PAPLN: variants seen among roughly 807,000 people sequenced by gnomAD.
PAPLN encodes the protein papilin, proteoglycan like sulfated glycoprotein, also known as papilin.
In PAPLN, 146 loss-of-function variants were observed where a neutral mutation model predicts 159.0. That is an observed-to-expected ratio of 0.92 (90% confidence interval 0.80 to 1.05). The LOEUF is 1.05. Ranked by LOEUF, PAPLN falls within the 50% of genes least tolerant of loss-of-function variation. PAPLN has a pLI of 0.00. For missense variants in PAPLN, 1,720 were observed against 1,743.9 expected (o/e 0.99, Z 0.24); for synonymous variants, 734 against 702.9 (o/e 1.04, Z -0.70).
In PAPLN at chr14:73,266,809, AGT is replaced by A. The variant is rs1304941169; in HGVS notation, c.3482_3483del (p.Val1161GlufsTer14). The A allele has an allele frequency of 6.2e-7, 1 of 1,613,266 alleles. No individual in the cohort carries two copies. Among genetic ancestry groups the A allele is most frequent in the Non-Finnish European group, 8.5e-7 (1 of 1,179,570 alleles). ...ARLLCVVAGE[S>X]VNIRWSRNGL... is the part of the protein sequence containing the mutation. ...GCTATTGTGTGTGGTAGCAGGAGAA[AGT>A]GTGAACATCAGGTGGTCCAGGTAAA... On this transcript the variant is annotated frameshift_variant, in exon 25 of 27. Transcript: ENST00000644200. LOFTEE classifies it high-confidence loss of function.
chr14:73,247,794 TCC>T (rs1491391497), intron 5 of PAPLN, among the ~76,000 whole-genome samples: 16 of 67,980 alleles, frequency 2.4e-4, no homozygotes, highest in African/African-American at 4.7e-4. Context: ...GAGTCTCTTA[TCC>T]CGTGTGTGTG....
rs1438632141 is a variant in PAPLN at position 73,246,081 on chromosome 14, C to T, written c.240C>T (p.Pro80=). 7.1e-6 allele frequency: 11 copies of T among 1,556,452 alleles called. No homozygotes were observed. The highest frequency in any genetic ancestry group is 9.5e-6 in the Non-Finnish European group (11 of 1,155,474). ...SHRSCRTESC[P]DGARDFRAEQ... ...TCCCCTCCGCCCCGCAGAGCTGCCC[C>T]GACGGCGCCCGGGACTTCCGGGCCG... Residue 80 remains proline (P), a synonymous_variant, in exon 5 of 27, where the codon CCC becomes CCT. Coordinates refer to ENST00000644200, the MANE Select transcript of PAPLN (RefSeq NM_001365906.3).
chr14:73,252,044 T>C lies in PAPLN; in HGVS notation c.870T>C (p.Gly290=), dbSNP rs1423506732. 4.3e-6 allele frequency: 7 copies of C among 1,612,066 alleles called. No homozygotes were observed. The African/African-American group carries it at 6.7e-5, about 15-fold the overall frequency. Reference sequence around the variant, plus strand: ...TCATCAGCCAGGAGCCCAACCCCGGTGTGCACTATGAGTACCACCTGCCCC... The same window carrying C: ...TCATCAGCCAGGAGCCCAACCCCGGCGTGCACTATGAGTACCACCTGCCCC... The part of the protein sequence containing the change: ...IELISQEPNP[G]VHYEYHLPLR... The change falls in exon 10 of 27, where the codon GGT becomes GGC. Residue 290 remains glycine (G), a synonymous_variant. Coordinates refer to ENST00000644200, the MANE Select transcript of PAPLN (RefSeq NM_001365906.3).
chr14:73,271,131 G>A lies in PAPLN; in HGVS notation c.3668-1364G>A, dbSNP rs116929484. On this transcript the variant is annotated intron_variant, in intron 26 of 26. Transcript: ENST00000644200. The stretch of plus-strand genomic sequence containing the variant: ...AAGTGGCAGAGCCCGGATTGAGCCC[G>A]GGCAGTATGGGTCCAGAGCTGGTGT... Among the ~76,000 whole-genome samples, 42 of 152,272 alleles carry A rather than the reference G, an allele frequency of 2.8e-4. No individual in the cohort carries two copies. In the East Asian group the frequency reaches 2.9e-3, roughly 10 times the overall value.
Position 73,260,164 on chromosome 14 carries a change from G to T in PAPLN, c.1986-545G>T, listed in dbSNP as rs1056381143. On this transcript the variant is annotated intron_variant, in intron 16 of 26. Transcript: ENST00000644200. ...CGTGACTTAACCTCTCTGATTTTGG[G>T]TTCCTCTTCTGAGAAATGGGAATGA... 2.4e-4 allele frequency among the ~76,000 whole-genome samples: 36 copies of T among 152,184 alleles called. 1 individual carries two copies. Among genetic ancestry groups the T allele is most frequent in the Non-Finnish European group, 4.8e-4 (33 of 68,046 alleles).
intron 10 of PAPLN, among the ~76,000 whole-genome samples, 175 bp from the exon 11 acceptor site, chr14:73,252,474 G>C (rs1257279167): frequency 6.6e-6 from 1 of 152,186 alleles, no homozygotes; most frequent in Non-Finnish European, 1.5e-5. Flanking sequence ...AAAACCCTCA[G>C]AGCCTCAGTT....
intron 2 of PAPLN, among the ~76,000 whole-genome samples, chr14:73,241,702 G>A (rs1883557496): frequency 6.6e-6 from 1 of 152,202 alleles, no homozygotes; most frequent in Admixed American, 6.5e-5. Flanking sequence ...CTGTTGCTGG[G>A]GCAGGAACCA....
At chr14:73,255,727 G>A (rs1405579145) in intron 14 of PAPLN, among the ~76,000 whole-genome samples, 4 of 152,190 alleles carry the variant, frequency 2.6e-5, no homozygotes, top group African/African-American at 7.2e-5. Context: ...TGACTCACTC[G>A]TGATGGGGAC....
chr14:73,254,232 G>A (rs1288536143), intron 12 of PAPLN, among the ~76,000 whole-genome samples: 1 of 152,156 alleles, frequency 6.6e-6, no homozygotes, highest in Non-Finnish European at 1.5e-5. Context: ...GGGAGGAGCT[G>A]GAAGTGTCTA....
chr14:73,262,773 G>C lies in PAPLN; in HGVS notation c.2669G>C (p.Gly890Ala), dbSNP rs1430191814. 1 of 1,507,444 alleles carries C rather than the reference G, an allele frequency of 6.6e-7. No homozygotes were observed. Among genetic ancestry groups the C allele is most frequent in the Non-Finnish European group, 8.8e-7 (1 of 1,133,454 alleles). The allele number at this position is 1,507,444 out of a possible 1,614,324, so 93.4% of individuals were successfully genotyped here. ...WGQELGSRAP[G>A]LGGDAGSPAP... ...CAGGAGCTTGGGTCCAGGGCCCCTG[G>C]ACTGGGTGGAGATGCCGGATCACCA... Residue 890 changes from glycine to alanine, a missense_variant, in exon 19 of 27, where the codon GGA (glycine) becomes GCA (alanine). Physicochemically the swap from Gly to Ala is moderately conservative, Grantham distance 60. Coordinates refer to ENST00000644200, the MANE Select transcript of PAPLN (RefSeq NM_001365906.3).
At position 73,262,622 on chromosome 14, in the gene PAPLN, C is replaced by T. The variant is rs1047958545; in HGVS notation, c.2518C>T (p.Gln840Ter). The change falls in exon 19 of 27, where the codon CAG (glutamine) becomes TAG (stop). Residue 840 changes from glutamine (Q) to a stop codon, truncating the protein, a stop_gained. Transcript: ENST00000644200. LOFTEE classifies it high-confidence loss of function. ...TCCTGCAGGCGAGCAGGAACCCAGC[C>T]AGCACAGGACAGGGGCCGCGGTGCA... ...SSPAGEQEPS[Q>*]HRTGAAVQRK... 2 of 1,539,052 alleles carry T rather than the reference C, an allele frequency of 1.3e-6. No individual in the cohort carries two copies. The highest frequency in any genetic ancestry group is 1.8e-6 in the Non-Finnish European group (2 of 1,138,788).
At chr14:73,259,234 G>A in intron 15 of PAPLN, 35 bp from the exon 16 acceptor site, 1 of 1,532,308 alleles carries the variant, frequency 6.5e-7, no homozygotes, top group Non-Finnish European at 8.8e-7. Flanking sequence ...GGAGCCAGGT[G>A]GACGCACTGT....
At chr14:73,239,712 G>A in intron 1 of PAPLN, 61 bp from the exon 2 acceptor site, 2 of 1,533,592 alleles carry the variant, frequency 1.3e-6, no homozygotes, top group South Asian at 1.2e-5. Flanking sequence ...ACACACTCTC[G>A]CCCGCGCCCA....
intron 6 of PAPLN, among the ~76,000 whole-genome samples, chr14:73,250,686 C>G (rs1046222787): frequency 6.6e-6 from 1 of 152,148 alleles, no homozygotes; most frequent in Non-Finnish European, 1.5e-5. Context: ...GGTGGCCCCT[C>G]AAGGAAAACA....
chr14:73,262,503 G>A lies in PAPLN; in HGVS notation c.2399G>A (p.Cys800Tyr). Residue 800 changes from cysteine (C) to tyrosine (Y), a missense_variant, in exon 19 of 27, where the codon TGC becomes TAC. Coordinates refer to ENST00000644200, the MANE Select transcript of PAPLN (RefSeq NM_001365906.3). ...NANNFASEQE[C>Y]MSSCQGSLHG... ...AATAACTTTGCCTCGGAGCAAGAGT[G>A]CATGAGCAGCTGCCAGGGATCTCTC... is the stretch of plus-strand genomic sequence containing the variant. 1 of 1,587,132 alleles carries A rather than the reference G, an allele frequency of 6.3e-7. No individual in the cohort carries two copies. The highest frequency in any genetic ancestry group is 8.6e-7 in the Non-Finnish European group (1 of 1,166,180).
intron 25 of PAPLN, among the ~76,000 whole-genome samples, chr14:73,268,201 A>C (rs917550165): frequency 6.6e-6 from 1 of 151,914 alleles, no homozygotes; most frequent in Non-Finnish European, 1.5e-5. Flanking sequence ...CCTCATAGAC[A>C]TGCACTTCGC....
At chr14:73,244,078 G>A (rs1883913330) in intron 2 of PAPLN, 1 of 155,788 alleles carries the variant, frequency 6.4e-6, no homozygotes, top group African/African-American at 2.4e-5. Context: ...TCTCACTGAT[G>A]AGAACTAAGT....
At chr14:73,253,575 C>A (rs730121) in intron 11 of PAPLN, among the ~76,000 whole-genome samples, 179 bp from the exon 12 acceptor site, 15,836 of 152,138 alleles carry the variant, frequency 0.1, 1,340 homozygotes, top group East Asian at 0.44. Flanking sequence ...GAGAGCCAGG[C>A]CCGGTGGTGG....
intron 26 of PAPLN, among the ~76,000 whole-genome samples, chr14:73,271,638 A>G (rs996468354): frequency 3.3e-5 from 5 of 151,878 alleles, no homozygotes; most frequent in African/African-American, 1.2e-4. Context: ...AGTAGCTGGG[A>G]CTACAGGGGC....
Sources: gnomAD v4.1 joint callset for allele counts (sites outside exome capture counted in the v4.1 genomes callset) on GRCh38, gnomAD v4.1.1 for gene constraint, MANE v1.5 for transcripts, NCBI Gene and HGNC (gene_info 2026-07-23, HGNC 2026-07-21) for gene names.